CMIP: variants seen among roughly 807,000 people sequenced by gnomAD.
CMIP encodes the protein C-Maf-inducing protein.
Under a neutral mutation model 97.3 loss-of-function variants are expected in CMIP, and 13 were observed. The observed-to-expected ratio is 0.13, with a 90% CI of 0.09 to 0.21. The LOEUF (loss-of-function observed/expected upper bound fraction) is 0.21. CMIP is among the 10% of genes least tolerant of loss of function. The pLI is 1.00. For synonymous variants in CMIP, 538 were observed against 436.3 expected (o/e 1.23, Z -2.91); for missense variants, 847 against 1,024.9 (o/e 0.83, Z 2.37).
intron 1 of CMIP, among the ~76,000 whole-genome samples, chr16:81,459,950 A>G (rs16955383): frequency 0.05 from 7,598 of 152,116 alleles, 235 homozygotes; most frequent in South Asian, 0.12. Flanking sequence ...CACAAACCAA[A>G]CCCATGGACC....
At chr16:81,473,186 C>G (rs1454068598) in intron 1 of CMIP, among the ~76,000 whole-genome samples, 1 of 152,242 alleles carries the variant, frequency 6.6e-6, no homozygotes, top group Non-Finnish European at 1.5e-5. Flanking sequence ...CCTGCAAGTG[C>G]TTATGTCGGC....
intron 1 of CMIP, among the ~76,000 whole-genome samples, chr16:81,606,436 T>A (rs1196182628): frequency 3.3e-5 from 5 of 152,116 alleles, no homozygotes; most frequent in Non-Finnish European, 5.9e-5. Context: ...GGAGCCAAAG[T>A]GACAAGGACA....
At chr16:81,474,819 C>T (rs1404591739) in intron 1 of CMIP, among the ~76,000 whole-genome samples, 1 of 152,084 alleles carries the variant, frequency 6.6e-6, no homozygotes, top group Admixed American at 6.5e-5. Context: ...GTCTCTGTGC[C>T]TAGGCCCTGC....
intron 3 of CMIP, among the ~76,000 whole-genome samples, chr16:81,632,625 G>T (rs1455653018): frequency 1.3e-5 from 2 of 152,208 alleles, no homozygotes; most frequent in African/African-American, 4.8e-5. Context: ...ACTATCCACA[G>T]GCCAGAGGCA....
intron 3 of CMIP, among the ~76,000 whole-genome samples, chr16:81,642,827 C>T (rs770425310): frequency 6.6e-4 from 100 of 152,126 alleles, no homozygotes; most frequent in Non-Finnish European, 8.5e-4. Flanking sequence ...ACCCGGGAGG[C>T]GGAGTTTGCA....
intron 3 of CMIP, among the ~76,000 whole-genome samples, chr16:81,626,513 GTGTGTGTGT>G (rs1401173989): frequency 1.9e-4 from 28 of 150,528 alleles, no homozygotes; most frequent in African/African-American, 6.8e-4. Flanking sequence ...GACTGAGCAT[GTGTGTGTGT>G]GGTGTGTGGG....
intron 1 of CMIP, among the ~76,000 whole-genome samples, chr16:81,490,486 GGT>G (rs1194815817): frequency 2.0e-5 from 3 of 152,152 alleles, no homozygotes. Context: ...TGAGTGTGGC[GGT>G]GTGTGCCTGG....
At chr16:81,452,100 A>G (rs929262012) in intron 1 of CMIP, among the ~76,000 whole-genome samples, 3 of 152,216 alleles carry the variant, frequency 2.0e-5, no homozygotes, top group African/African-American at 7.2e-5. Context: ...TGACTTCAGT[A>G]GCCATTTCGT....
intron 1 of CMIP, among the ~76,000 whole-genome samples, chr16:81,544,233 C>G (rs1385761456): frequency 6.6e-6 from 1 of 152,250 alleles, no homozygotes; most frequent in East Asian, 1.9e-4. Flanking sequence ...GCACGCATCC[C>G]TTTTCAATGT....
chr16:81,563,255 T>C (rs984696018), intron 1 of CMIP, among the ~76,000 whole-genome samples: 4 of 152,240 alleles, frequency 2.6e-5, no homozygotes, highest in African/African-American at 9.6e-5. Flanking sequence ...AGCCTCAAGC[T>C]TGCCTTGAGA....
At chr16:81,707,754 C>T (rs182308480) in intron 20 of CMIP, among the ~76,000 whole-genome samples, 60 of 152,362 alleles carry the variant, frequency 3.9e-4, no homozygotes, top group African/African-American at 1.4e-3. Context: ...CCTCAGTCGC[C>T]TCCTGTCACC....
At chr16:81,588,313 C>G (rs2091414983) in intron 1 of CMIP, among the ~76,000 whole-genome samples, 1 of 152,202 alleles carries the variant, frequency 6.6e-6, no homozygotes, top group African/African-American at 2.4e-5. Context: ...TCTTCTCTCT[C>G]TCTTTTTCCC....
At chr16:81,660,034 G>A (rs2092527373) in intron 5 of CMIP, among the ~76,000 whole-genome samples, 1 of 152,104 alleles carries the variant, frequency 6.6e-6, no homozygotes, top group South Asian at 2.1e-4. Flanking sequence ...CATAGCTTGA[G>A]TTGGTTTTAT....
At chr16:81,660,347 C>T (rs189060455) in intron 5 of CMIP, among the ~76,000 whole-genome samples, 21 of 151,850 alleles carry the variant, frequency 1.4e-4, no homozygotes, top group Non-Finnish European at 2.4e-4. Context: ...GAACTCGGCT[C>T]ACTGCAACTC....
chr16:81,468,677 A>G (rs1325769317), intron 1 of CMIP, among the ~76,000 whole-genome samples: 4 of 152,358 alleles, frequency 2.6e-5, no homozygotes, highest in Non-Finnish European at 4.4e-5. Context: ...AATCGGTTCC[A>G]GTGCCCGCAA....
At chr16:81,536,688 C>T (rs576837529) in intron 1 of CMIP, among the ~76,000 whole-genome samples, 3 of 152,112 alleles carry the variant, frequency 2.0e-5, no homozygotes, top group Non-Finnish European at 4.4e-5. Flanking sequence ...GACAACAGCA[C>T]CAGCCTTTGT....
intron 3 of CMIP, among the ~76,000 whole-genome samples, chr16:81,639,508 G>A (rs908934247): frequency 1.3e-5 from 2 of 152,078 alleles, no homozygotes; most frequent in Non-Finnish European, 2.9e-5. Flanking sequence ...CACAAGATTT[G>A]GCCTTTTGTG....
At chr16:81,553,181 A>C (rs73596440) in intron 1 of CMIP, among the ~76,000 whole-genome samples, 1 of 152,028 alleles carries the variant, frequency 6.6e-6, no homozygotes, top group East Asian at 1.9e-4. Flanking sequence ...TTCCACCCTG[A>C]CTGTGGCCTG....
intron 1 of CMIP, among the ~76,000 whole-genome samples, chr16:81,594,317 C>G (rs901215972): frequency 2.0e-5 from 3 of 151,496 alleles, no homozygotes; most frequent in African/African-American, 7.3e-5. Flanking sequence ...CGGAGTTTCG[C>G]CATGTTGTCC....
Sources: gnomAD v4.1 joint callset for allele counts (sites outside exome capture counted in the v4.1 genomes callset) on GRCh38, gnomAD v4.1.1 for gene constraint, MANE v1.5 for transcripts, NCBI Gene and HGNC (gene_info 2026-07-23, HGNC 2026-07-21) for gene names.